KCNQ5: variants seen among roughly 807,000 people sequenced by gnomAD.
KCNQ5 encodes the protein potassium voltage-gated channel subfamily Q member 5, also known as potassium voltage-gated channel subfamily KQT member 5.
In KCNQ5, 30 loss-of-function variants were observed where a neutral mutation model predicts 98.2. The ratio of observed to expected loss-of-function variants is 0.31; its 90% CI spans 0.23 to 0.41. KCNQ5 has a LOEUF of 0.41. Among genes scored for constraint, KCNQ5 ranks in the 10% least tolerant of loss-of-function variants. KCNQ5 has a pLI of 1.00. For synonymous variants in KCNQ5, 458 were observed against 449.4 expected, an observed-to-expected ratio of 1.02 and a Z score of -0.24; for missense variants, 835 against 1,182.5, an observed-to-expected ratio of 0.71 and a Z score of 4.31.
At chr6:72,997,551 G>T (rs1431644954) in intron 1 of KCNQ5, among the ~76,000 whole-genome samples, 1 of 151,350 alleles carries the variant, frequency 6.6e-6, no homozygotes, top group South Asian at 2.1e-4. Flanking sequence ...AGAGGCGGGC[G>T]GATCACGAGG....
chr6:72,969,061 T>C (rs1433432160), intron 1 of KCNQ5, among the ~76,000 whole-genome samples: 1 of 152,208 alleles, frequency 6.6e-6, no homozygotes, highest in African/African-American at 2.4e-5. Flanking sequence ...GTTTGGTTGC[T>C]CCTCAATTTC....
chr6:72,629,261 G>A (rs2098919553), intron 1 of KCNQ5, among the ~76,000 whole-genome samples: 1 of 152,144 alleles, frequency 6.6e-6, no homozygotes, highest in Non-Finnish European at 1.5e-5. Context: ...GTTTATGTCT[G>A]TAGAGACTGA....
At chr6:73,048,517 C>T (rs1387303404) in intron 3 of KCNQ5, among the ~76,000 whole-genome samples, 2 of 152,120 alleles carry the variant, frequency 1.3e-5, no homozygotes, top group Non-Finnish European at 2.9e-5. Flanking sequence ...AGGCAAAGGT[C>T]CTACGGGTTG....
chr6:73,173,704 G>C (rs1273842811), intron 11 of KCNQ5, among the ~76,000 whole-genome samples: 2 of 151,766 alleles, frequency 1.3e-5, no homozygotes, highest in East Asian at 3.9e-4. Context: ...AAACCCAGCA[G>C]TTTGGGAGGC....
At chr6:73,061,113 GAT>G (rs1246657922) in intron 3 of KCNQ5, among the ~76,000 whole-genome samples, 4 of 152,188 alleles carry the variant, frequency 2.6e-5, no homozygotes, top group African/African-American at 9.6e-5. Context: ...AGAATCCCAA[GAT>G]ATATGAAATA....
chr6:72,703,966 A>G (rs968265305), intron 1 of KCNQ5, among the ~76,000 whole-genome samples: 12 of 152,200 alleles, frequency 7.9e-5, no homozygotes, highest in African/African-American at 2.7e-4. Flanking sequence ...ATTTTGTGCT[A>G]TACTTTGTGT....
chr6:73,181,048 T>C (rs1778388610), intron 11 of KCNQ5, among the ~76,000 whole-genome samples: 1 of 152,244 alleles, frequency 6.6e-6, no homozygotes, highest in Non-Finnish European at 1.5e-5. Flanking sequence ...CAAATGCACC[T>C]ACATTTCCTT....
At chr6:72,835,509 A>G (rs981608224) in intron 1 of KCNQ5, among the ~76,000 whole-genome samples, 8 of 152,140 alleles carry the variant, frequency 5.3e-5, no homozygotes, top group African/African-American at 1.9e-4. Flanking sequence ...ATATTTTTTC[A>G]TCAATGAAAT....
chr6:72,871,752 G>C (rs1478425052), intron 1 of KCNQ5, among the ~76,000 whole-genome samples: 1 of 152,140 alleles, frequency 6.6e-6, no homozygotes, highest in African/African-American at 2.4e-5. Context: ...AATGTACTCT[G>C]ACTCTGTACA....
chr6:73,092,513 G>A (rs1265637840), intron 5 of KCNQ5, among the ~76,000 whole-genome samples: 2 of 152,088 alleles, frequency 1.3e-5, no homozygotes, highest in African/African-American at 4.8e-5. Context: ...TTGGCTGTGG[G>A]TTTGTCATAG....
chr6:72,785,264 CT>C (rs1333074818), intron 1 of KCNQ5, among the ~76,000 whole-genome samples: 4 of 152,158 alleles, frequency 2.6e-5, no homozygotes, highest in Admixed American at 6.5e-5. Context: ...CTCCTTTGGT[CT>C]GGGGCAAAGC....
At chr6:72,719,991 C>G (rs1213479362) in intron 1 of KCNQ5, among the ~76,000 whole-genome samples, 1 of 152,214 alleles carries the variant, frequency 6.6e-6, no homozygotes, top group Non-Finnish European at 1.5e-5. Context: ...ACACTAAACT[C>G]TGGTGGGGAC....
intron 5 of KCNQ5, among the ~76,000 whole-genome samples, chr6:73,104,068 A>G (rs955665286): frequency 6.6e-6 from 1 of 152,126 alleles, no homozygotes; most frequent in Non-Finnish European, 1.5e-5. Context: ...CACTTTTGCC[A>G]CTTCTATTCA....
Position 73,195,059 on chromosome 6 carries a change from T to G in KCNQ5, c.2444T>G (p.Leu815Arg), listed in dbSNP as rs1204507146. Reference sequence around the variant, plus strand: ...AGCTTTGACATGGGAGGAGAAACTCTGTTGTCTGTCTGTCCCATGGTGCCG... The same window carrying G: ...AGCTTTGACATGGGAGGAGAAACTCGGTTGTCTGTCTGTCCCATGGTGCCG... ...RKSFDMGGET[L>R]LSVCPMVPKD... The change falls in exon 14 of 14, where the codon CTG becomes CGG. Residue 815 changes from leucine to arginine, a missense_variant. Leu to Arg is a moderately radical substitution (Grantham distance 102). Transcript: ENST00000370398. 2.5e-6 allele frequency: 4 copies of G among 1,614,212 alleles called. No homozygotes were observed. The highest frequency in any genetic ancestry group is 3.3e-5 in the Admixed American group (2 of 60,016).
chr6:73,063,334 T>C (rs1445685262), intron 3 of KCNQ5, among the ~76,000 whole-genome samples: 1 of 152,198 alleles, frequency 6.6e-6, no homozygotes, highest in Admixed American at 6.5e-5. Context: ...TTTCACCGCC[T>C]GACCTGCAGC....
intron 1 of KCNQ5, among the ~76,000 whole-genome samples, chr6:72,660,003 G>A (rs878882820): frequency 2.0e-5 from 3 of 152,056 alleles, no homozygotes; most frequent in Admixed American, 1.3e-4. Flanking sequence ...TCCTACTTCC[G>A]TTCTTGTCCC....
intron 1 of KCNQ5, among the ~76,000 whole-genome samples, chr6:72,632,198 C>T (rs1368696965): frequency 7.2e-6 from 1 of 139,488 alleles, no homozygotes; most frequent in Admixed American, 7.7e-5. Context: ...AGTTCGGTGG[C>T]GCGATCCCCG....
chr6:73,154,931 A>G (rs1777305695), intron 10 of KCNQ5, among the ~76,000 whole-genome samples: 1 of 152,220 alleles, frequency 6.6e-6, no homozygotes, highest in Non-Finnish European at 1.5e-5. Context: ...AGAAAATAAT[A>G]AGGCCAAAAT....
chr6:72,759,981 C>T (rs549881241), intron 1 of KCNQ5, among the ~76,000 whole-genome samples: 19 of 152,142 alleles, frequency 1.2e-4, no homozygotes, highest in Admixed American at 3.9e-4. Flanking sequence ...AATGAGACAA[C>T]CCTTACTAAA....
Sources: allele counts gnomAD v4.1 joint callset (sites outside exome capture counted in the v4.1 genomes callset), GRCh38; gene constraint gnomAD v4.1.1; transcripts MANE v1.5; gene names NCBI Gene and HGNC (gene_info 2026-07-23, HGNC 2026-07-21).